Variants in PHF14 observed in about 807,000 individuals in gnomAD.
PHF14 encodes PHD finger protein 14.
A neutral mutation model predicts 117.9 loss-of-function variants in PHF14; 55 were observed. The ratio of observed to expected loss-of-function variants is 0.47; its 90% CI spans 0.38 to 0.58. The LOEUF (loss-of-function observed/expected upper bound fraction) is 0.58. Among genes scored for constraint, PHF14 ranks in the 20% least tolerant of loss-of-function variants. PHF14 has a pLI of 0.00. For synonymous variants in PHF14, 409 were observed against 368.6 expected, an observed-to-expected ratio of 1.11 and a Z score of -1.26; for missense variants, 978 against 1,122.2, an observed-to-expected ratio of 0.87 and a Z score of 1.84.
intron 16 of PHF14, among the ~76,000 whole-genome samples, chr7:11,090,453 A>C (rs1453520666): frequency 6.6e-6 from 1 of 152,212 alleles, no homozygotes; most frequent in African/African-American, 2.4e-5. Flanking sequence ...TTTCCTTTTC[A>C]GGTTACTCAT....
At chr7:11,010,407 CT>C (rs1182045282) in intron 4 of PHF14, among the ~76,000 whole-genome samples, 1 of 151,716 alleles carries the variant, frequency 6.6e-6, no homozygotes, top group Admixed American at 6.6e-5. Context: ...GTTTTGATTC[CT>C]TTGCTTATCT....
In PHF14 at chr7:11,130,505, T is replaced by C. The variant is rs1788064788; in HGVS notation, c.2772+19038T>C. Among the ~76,000 whole-genome samples, 1 of 151,982 alleles carries C rather than the reference T, an allele frequency of 6.6e-6. No individual in the cohort carries two copies. Among genetic ancestry groups the C allele is most frequent in the Non-Finnish European group, 1.5e-5 (1 of 67,922 alleles). ...ATAGCCTTTTGGTAGTATTTTTGAT[T>C]TTTTTGTTTCTTTTTGAGCAGTTTT... On this transcript the variant is annotated intron_variant, in intron 17 of 17. Transcript: ENST00000634607. This position sits in a 1 kb window ranked among gnomAD's most constrained non-coding sequence, Gnocchi z 4.2.
chr7:11,073,522 C>G (rs868187714), intron 16 of PHF14, among the ~76,000 whole-genome samples: 2 of 152,206 alleles, frequency 1.3e-5, no homozygotes, highest in Admixed American at 6.5e-5. Flanking sequence ...ATTCAGCCCC[C>G]TTGGCTGCTC....
chr7:11,030,267 G>T (rs1222385667), intron 7 of PHF14, among the ~76,000 whole-genome samples: 1 of 152,054 alleles, frequency 6.6e-6, no homozygotes, highest in Admixed American at 6.6e-5. Flanking sequence ...GTAAGAGTTA[G>T]AGGACCAGAT....
At chr7:11,087,604 T>C (rs1786466901) in intron 16 of PHF14, among the ~76,000 whole-genome samples, 1 of 152,204 alleles carries the variant, frequency 6.6e-6, no homozygotes, top group African/African-American at 2.4e-5. Flanking sequence ...AAGGAATCTT[T>C]ACTCACGCAA....
intron 4 of PHF14, among the ~76,000 whole-genome samples, chr7:11,011,550 GGT>G (rs1183593286): frequency 6.6e-6 from 1 of 152,136 alleles, no homozygotes; most frequent in Non-Finnish European, 1.5e-5. Flanking sequence ...GAATAAACCT[GGT>G]CAAAAGGATG....
chr7:11,141,747 T>G (rs572566299), intron 17 of PHF14, among the ~76,000 whole-genome samples: 3 of 152,108 alleles, frequency 2.0e-5, no homozygotes, highest in South Asian at 2.1e-4. Context: ...TTGGTATTTT[T>G]GGGTTTCACT....
In PHF14 at chr7:11,130,490, G is replaced by C. The variant is rs1161529453; in HGVS notation, c.2772+19023G>C. ...TTTGCTTTTTTAAAAATAGCCTTTT[G>C]GTAGTATTTTTGATTTTTTTGTTTC... is the stretch of plus-strand genomic sequence containing the variant. On this transcript the variant is annotated intron_variant, in intron 17 of 17. Coordinates refer to ENST00000634607, the MANE Select transcript of PHF14 (RefSeq NM_001007157.2). The surrounding 1 kb of genome is among the most constrained non-coding windows in gnomAD (Gnocchi z 4.2). Among the ~76,000 whole-genome samples the C allele has an allele frequency of 1.3e-5, 2 of 151,738 alleles. No homozygotes were observed. Among genetic ancestry groups the C allele is most frequent in the Non-Finnish European group, 2.9e-5 (2 of 67,850 alleles).
At chr7:11,029,204 C>T (rs1214920140) in intron 7 of PHF14, among the ~76,000 whole-genome samples, 1 of 152,116 alleles carries the variant, frequency 6.6e-6, no homozygotes, top group Non-Finnish European at 1.5e-5. Context: ...ATTACTGTGT[C>T]TTTAGTATCT....
chr7:11,115,647 G>A (rs542899421), intron 17 of PHF14, among the ~76,000 whole-genome samples: 1 of 151,952 alleles, frequency 6.6e-6, no homozygotes, highest in African/African-American at 2.4e-5. Flanking sequence ...TATTATTACT[G>A]TCTGATCCTC....
chr7:11,040,012 A>G (rs1784447773), intron 11 of PHF14, among the ~76,000 whole-genome samples: 1 of 152,194 alleles, frequency 6.6e-6, no homozygotes, highest in South Asian at 2.1e-4. Flanking sequence ...TATCTACCAT[A>G]AAAGACATTT....
chr7:10,999,331 T>TCTTATCTGCTTATTTGA, intron 4 of PHF14, among the ~76,000 whole-genome samples: 1 of 152,322 alleles, frequency 6.6e-6, no homozygotes, highest in African/African-American at 2.4e-5. Flanking sequence ...TATTTGAATA[T>TCTTATCTGCTTATTTGA]ATAGTTCCTT....
rs145579688 is a variant in PHF14 at position 11,107,680 on chromosome 7, G to A, written c.2655-3670G>A. ...CTTCCTATTTAATAATGTGCTATTC[G>A]TATAATAATCTGTTTTTATTACATA... On this transcript the variant is annotated intron_variant, in intron 16 of 17. Transcript: ENST00000634607. The A allele has an allele frequency of 1.3e-4, 86 of 655,996 alleles. No homozygotes were observed. The East Asian group carries it at 9.2e-3, about 70-fold the overall frequency. 40.6% of individuals were successfully genotyped at this position (655,996 alleles called of 1,614,324 possible).
chr7:11,132,804 G>C (rs1788124300), intron 17 of PHF14, among the ~76,000 whole-genome samples: 1 of 151,786 alleles, frequency 6.6e-6, no homozygotes, highest in African/African-American at 2.4e-5. Flanking sequence ...ATCCTAATGA[G>C]TATGAGATGG....
At chr7:11,167,639 G>A (rs1416884116) in intron 17 of PHF14, among the ~76,000 whole-genome samples, 5 of 152,166 alleles carry the variant, frequency 3.3e-5, no homozygotes, top group East Asian at 3.8e-4. Context: ...CTTGCCATCC[G>A]TACCTGCTGA....
chr7:11,143,951 G>GA (rs566881085), intron 17 of PHF14, among the ~76,000 whole-genome samples: 60 of 151,578 alleles, frequency 4.0e-4, no homozygotes, highest in Middle Eastern at 6.8e-3. Flanking sequence ...TATAAAATGG[G>GA]AAAAAAAAGT....
chr7:11,078,656 C>G (rs1008201228), intron 16 of PHF14, among the ~76,000 whole-genome samples: 1 of 152,016 alleles, frequency 6.6e-6, no homozygotes, highest in African/African-American at 2.4e-5. Flanking sequence ...AGCCTCTCAC[C>G]CAACAGTGCT....
chr7:11,069,931 T>C (rs1389676424), intron 16 of PHF14, among the ~76,000 whole-genome samples: 9 of 151,852 alleles, frequency 5.9e-5, no homozygotes, highest in Admixed American at 5.9e-4. Context: ...GAAAAAGTGT[T>C]CCCTTATTCT....
intron 16 of PHF14, chr7:11,107,503 A>T: frequency 1.1e-6 from 1 of 873,838 alleles, no homozygotes; most frequent in Non-Finnish European, 1.4e-6. Context: ...TATAATTGGG[A>T]TTCCTTTATG....
Sources: gnomAD v4.1 joint callset for allele counts (sites outside exome capture counted in the v4.1 genomes callset) on GRCh38, gnomAD v4.1.1 for gene constraint, Gnocchi (gnomAD v3.1) non-coding constraint, MANE v1.5 for transcripts, NCBI Gene and HGNC (gene_info 2026-07-23, HGNC 2026-07-21) for gene names.